Variants in FBLN2 observed in about 807,000 individuals in gnomAD.
The protein encoded by FBLN2 is fibulin-2.
FBLN2 carries 81 observed loss-of-function variants against 123.7 expected under a neutral mutation model. The observed-to-expected ratio is 0.65, with a 90% CI of 0.55 to 0.79. The LOEUF is 0.79. FBLN2 is among the 30% of genes least tolerant of loss of function. FBLN2 has a pLI of 0.00. For missense variants in FBLN2, 1,603 were observed against 1,681.3 expected, an observed-to-expected ratio of 0.95 and a Z score of 0.81; for synonymous variants, 699 against 701.4, an observed-to-expected ratio of 1.00 and a Z score of 0.05.
intron 1 of FBLN2, among the ~76,000 whole-genome samples, chr3:13,555,527 T>C (rs949685011): frequency 7.2e-5 from 11 of 152,048 alleles, no homozygotes; most frequent in African/African-American, 2.7e-4. Context: ...CCATCTCGGC[T>C]CACTGCAAGC....
chr3:13,603,751 C>T (rs1445656721), intron 2 of FBLN2, among the ~76,000 whole-genome samples: 1 of 152,146 alleles, frequency 6.6e-6, no homozygotes, highest in African/African-American at 2.4e-5. Context: ...GGTATATACC[C>T]AGTAATGGGA....
In FBLN2 at chr3:13,629,830, G is replaced by C. The variant is rs1317526126; in HGVS notation, c.2853G>C (p.Glu951Asp). The C allele has an allele frequency of 6.4e-7, 1 of 1,574,700 alleles. No individual in the cohort carries two copies. Among genetic ancestry groups the C allele is most frequent in the East Asian group, 2.4e-5 (1 of 42,484 alleles). ...AFGRGCIDVN[E>D]CWASPGRLCQ... ...CCTGCCCTCCCACAGACGTGAATGA[G>C]TGCTGGGCCTCGCCAGGCCGCCTGT... The change falls in exon 14 of 18, where the codon GAG becomes GAC. Residue 951 changes from glutamate (E) to aspartate (D), a missense_variant. By Grantham distance (45) the Glu-to-Asp change is conservative. Transcript: ENST00000404922.
chr3:13,559,150 T>G (rs545037824), intron 1 of FBLN2, among the ~76,000 whole-genome samples: 11 of 152,028 alleles, frequency 7.2e-5, no homozygotes, highest in Non-Finnish European at 1.5e-4. Context: ...CTGCAGGGAG[T>G]CTATGAAACT....
At chr3:13,609,029 C>T (rs1033555678) in intron 3 of FBLN2, among the ~76,000 whole-genome samples, 6 of 152,246 alleles carry the variant, frequency 3.9e-5, no homozygotes, top group South Asian at 2.1e-4. Context: ...GTCTTGTGGA[C>T]GTGTCCCACT....
chr3:13,622,697 C>T (rs532918947), intron 9 of FBLN2, among the ~76,000 whole-genome samples: 3 of 152,228 alleles, frequency 2.0e-5, no homozygotes, highest in African/African-American at 4.8e-5. Context: ...GTGGGCCAGG[C>T]GCCGTGGCTC....
chr3:13,607,961 G>C, intron 2 of FBLN2, 101 bp from the exon 3 acceptor site: 1 of 795,054 alleles, frequency 1.3e-6, no homozygotes, highest in Non-Finnish European at 2.1e-6. Flanking sequence ...AGGGGTGGAT[G>C]AGTTTGCCTG....
chr3:13,605,379 T>A (rs1705167525), intron 2 of FBLN2, among the ~76,000 whole-genome samples: 1 of 152,220 alleles, frequency 6.6e-6, no homozygotes, highest in East Asian at 1.9e-4. Context: ...TGTTTTTTGC[T>A]GTCATGTGTT....
chr3:13,604,184 C>G lies in FBLN2; in HGVS notation c.1307-3878C>G, dbSNP rs554246429. ...AAAATTTTCTCCCATTCTGTAGGTTCCCTGTTCACTCTGATGGTAGTTTCT... is the reference window on the plus strand; with the variant it reads ...AAAATTTTCTCCCATTCTGTAGGTTGCCTGTTCACTCTGATGGTAGTTTCT... On this transcript the variant is annotated intron_variant, in intron 2 of 17. Transcript: ENST00000404922. Among the ~76,000 whole-genome samples the G allele has an allele frequency of 1.4e-3, 214 of 152,160 alleles. 1 individual carries two copies. In the South Asian group the frequency reaches 0.032, roughly 23 times the overall value.
At chr3:13,636,630 G>A in intron 17 of FBLN2, 62 bp downstream of exon 17, 3 of 1,551,448 alleles carry the variant, frequency 1.9e-6, no homozygotes, top group Non-Finnish European at 2.6e-6. Context: ...ACTATCCAGG[G>A]AGAGGCTGAG....
At chr3:13,580,765 A>G (rs1007974352) in intron 2 of FBLN2, among the ~76,000 whole-genome samples, 1 of 152,240 alleles carries the variant, frequency 6.6e-6, no homozygotes, top group Non-Finnish European at 1.5e-5. Context: ...TCGGCCATGT[A>G]TAAATTACCC....
At chr3:13,594,989 G>A (rs905697964) in intron 2 of FBLN2, among the ~76,000 whole-genome samples, 3 of 152,218 alleles carry the variant, frequency 2.0e-5, no homozygotes, top group Non-Finnish European at 2.9e-5. Flanking sequence ...TGCAGCTGGG[G>A]TGAGATCCTG....
chr3:13,614,085 C>T lies in FBLN2; in HGVS notation c.1650C>T (p.Leu550=). 1 of 1,613,796 alleles carries T rather than the reference C, an allele frequency of 6.2e-7. No individual in the cohort carries two copies. The highest frequency in any genetic ancestry group is 8.5e-7 in the Non-Finnish European group (1 of 1,179,882). ...NLGYPCNHVM[L]SCCEGEEPLI... ...GCTATCCCTGCAATCATGTCATGCT[C>T]TCCTGCTGTGAGGGTGAAGAGCCTC... Residue 550 remains leucine, a synonymous_variant, in exon 5 of 18, where the codon CTC becomes CTT. Coordinates refer to ENST00000404922, the MANE Select transcript of FBLN2 (RefSeq NM_001004019.2).
At chr3:13,571,826 T>C (rs1343943550) in intron 2 of FBLN2, among the ~76,000 whole-genome samples, 165 bp downstream of exon 2, 1 of 140,302 alleles carries the variant, frequency 7.1e-6, no homozygotes, top group African/African-American at 2.6e-5. Context: ...GCTGTGAGAG[T>C]GCATCTTCTC....
rs571348522 is a variant in FBLN2, at chr3:13,614,961, C to T, written c.1729+797C>T. Among the ~76,000 whole-genome samples the T allele has an allele frequency of 1.4e-3, 202 of 147,720 alleles. 1 individual carries two copies. Among genetic ancestry groups the T allele is most frequent in the African/African-American group, 4.7e-3 (188 of 39,868 alleles). On this transcript the variant is annotated intron_variant, in intron 5 of 17. Transcript: ENST00000404922. Reference sequence around the variant, plus strand: ...CCATCCACCCACCCATCCGTCTGTTCATCCATCTGCTTATCCATCCATCCA... The same window carrying T: ...CCATCCACCCACCCATCCGTCTGTTTATCCATCTGCTTATCCATCCATCCA...
intron 2 of FBLN2, among the ~76,000 whole-genome samples, chr3:13,578,731 T>C (rs111662657): frequency 7.2e-4 from 109 of 152,336 alleles, no homozygotes; most frequent in African/African-American, 2.6e-3. Flanking sequence ...CTGGGCCACA[T>C]GGTAACTCTG....
chr3:13,626,407 G>A, intron 9 of FBLN2, 38 bp from the exon 10 acceptor site: 1 of 1,533,810 alleles, frequency 6.5e-7, no homozygotes, highest in Non-Finnish European at 8.8e-7. Context: ...ACTGTCCTGG[G>A]GACTCTGCAG....
intron 17 of FBLN2, 23 bp from the exon 18 acceptor site, chr3:13,637,539 G>T (rs779056292): frequency 6.4e-7 from 1 of 1,570,990 alleles, no homozygotes; most frequent in East Asian, 2.3e-5. Flanking sequence ...AGCTGTGGGT[G>T]ACCCGGCCTA....
At chr3:13,605,688 G>A (rs1277856916) in intron 2 of FBLN2, among the ~76,000 whole-genome samples, 1 of 152,164 alleles carries the variant, frequency 6.6e-6, no homozygotes, top group Non-Finnish European at 1.5e-5. Flanking sequence ...GTTACGGGCT[G>A]TCGTGAGGAC....
chr3:13,614,379 C>G (rs1449461871), intron 5 of FBLN2, among the ~76,000 whole-genome samples: 1 of 152,146 alleles, frequency 6.6e-6, no homozygotes. Flanking sequence ...TCACTGTCCA[C>G]TCACCACCCT....
Sources: gnomAD v4.1 joint callset for allele counts (sites outside exome capture counted in the v4.1 genomes callset) on GRCh38, gnomAD v4.1.1 for gene constraint, MANE v1.5 for transcripts, NCBI Gene and HGNC (gene_info 2026-07-23, HGNC 2026-07-21) for gene names.